COL6A2: variants seen among roughly 807,000 people sequenced by gnomAD.
The protein encoded by COL6A2 is collagen alpha-2(VI) chain.
In COL6A2, 90 loss-of-function variants were observed where a neutral mutation model predicts 124.9. The observed-to-expected ratio is 0.72, with a 90% CI of 0.61 to 0.86. The LOEUF is 0.86. COL6A2 is among the 40% of genes least tolerant of loss of function. COL6A2 has a pLI of 0.00. For synonymous variants in COL6A2, 793 were observed against 618.2 expected, an observed-to-expected ratio of 1.28 and a Z score of -4.19; for missense variants, 1,607 against 1,502.5, an observed-to-expected ratio of 1.07 and a Z score of -1.15.
chr21:46,123,964 G>A (rs1320946604), intron 21 of COL6A2, among the ~76,000 whole-genome samples: 3 of 148,304 alleles, frequency 2.0e-5, no homozygotes, highest in African/African-American at 5.0e-5. Flanking sequence ...TGGATAGATG[G>A]GTATGTGAGT....
chr21:46,129,327 G>A, intron 27 of COL6A2: 2 of 1,612,896 alleles, frequency 1.2e-6, no homozygotes, highest in Non-Finnish European at 1.7e-6. Context: ...GCAGGACCCG[G>A]CCGCCTACTC....
intron 27 of COL6A2, 26 bp downstream of exon 27, chr21:46,126,567 A>C: frequency 6.2e-7 from 1 of 1,612,692 alleles, no homozygotes; most frequent in Non-Finnish European, 8.5e-7. Context: ...CTGAGCCACC[A>C]CCCCAGACTA....
intron 1 of COL6A2, among the ~76,000 whole-genome samples, chr21:46,101,250 C>A (rs1330278373): frequency 1.3e-5 from 2 of 152,044 alleles, no homozygotes; most frequent in African/African-American, 4.8e-5. Flanking sequence ...ATTTTTGAAT[C>A]AAGTTGATTG....
intron 24 of COL6A2, 57 bp downstream of exon 24, chr21:46,125,368 GC>G: frequency 6.2e-7 from 1 of 1,604,380 alleles, no homozygotes; most frequent in Middle Eastern, 1.7e-4. Flanking sequence ...GGGCGGGAGT[GC>G]AGCAGGGCTG....
chr21:46,129,052 C>A, intron 27 of COL6A2: 1 of 1,600,388 alleles, frequency 6.2e-7, no homozygotes, highest in South Asian at 1.1e-5. Context: ...GAGCCACACA[C>A]CCGCTCCACC....
chr21:46,114,119 C>T (rs1568927691), intron 5 of COL6A2, 46 bp downstream of exon 5: 2 of 1,545,646 alleles, frequency 1.3e-6, no homozygotes, highest in African/African-American at 1.4e-5. Context: ...CCAGGAAGCC[C>T]CTGATTTGTT....
intron 27 of COL6A2, chr21:46,129,428 C>T (rs760234814): frequency 1.1e-5 from 17 of 1,609,514 alleles, no homozygotes; most frequent in Non-Finnish European, 1.3e-5. Flanking sequence ...TGTTCATTGA[C>T]ACCTTTAAGC....
intron 27 of COL6A2, 114 bp downstream of exon 27, chr21:46,126,655 A>AGCCACTGCGGAGGC: frequency 7.7e-7 from 1 of 1,295,482 alleles, no homozygotes; most frequent in African/African-American, 1.5e-5. Flanking sequence ...GGGGCGGCGG[A>AGCCACTGCGGAGGC]GCCACTGCGG....
chr21:46,129,743 G>C, intron 27 of COL6A2: 1 of 1,362,082 alleles, frequency 7.3e-7, no homozygotes, highest in Admixed American at 3.2e-5. Context: ...AAGAACCCTG[G>C]TCATTGAATT....
Position 46,131,937 on chromosome 21 carries a change from C to T in COL6A2, c.2462-17C>T, listed in dbSNP as rs1368389922. 2.6e-5 allele frequency: 41 copies of T among 1,581,042 alleles called. No homozygotes were observed. Among genetic ancestry groups the T allele is most frequent in the East Asian group, 2.1e-4 (9 of 42,692 alleles). On this transcript the variant is annotated splice_polypyrimidine_tract_variant and intron_variant, in intron 27 of 27. Coordinates refer to ENST00000300527, the MANE Select transcript of COL6A2 (RefSeq NM_001849.4). Reference sequence around the variant, plus strand: ...CCACCTCCCCTCCGCCCAGCCCGCACCTGCGTCTCCCCACAGAGCTGTCCG... The same window carrying T: ...CCACCTCCCCTCCGCCCAGCCCGCATCTGCGTCTCCCCACAGAGCTGTCCG...
chr21:46,121,995 C>T (rs950387380), intron 18 of COL6A2, 113 bp from the exon 19 acceptor site: 67 of 1,130,870 alleles, frequency 5.9e-5, no homozygotes, highest in African/African-American at 1.7e-4. Flanking sequence ...CAGAACTCGA[C>T]GGCACCCCTA....
At position 46,124,869 on chromosome 21, in the gene COL6A2, A is replaced by G; in HGVS notation, c.1735-16A>G. On this transcript the variant is annotated splice_polypyrimidine_tract_variant and intron_variant, in intron 22 of 27. Transcript: ENST00000300527. Reference sequence around the variant, plus strand: ...GCCTTGGCCCCAGAGTCTCAGCCTCATCCTTCCTTCCCCAGGGTGAGCCCG... The same window carrying G: ...GCCTTGGCCCCAGAGTCTCAGCCTCGTCCTTCCTTCCCCAGGGTGAGCCCG... The G allele has an allele frequency of 5.0e-6, 8 of 1,612,832 alleles. No homozygotes were observed. Among genetic ancestry groups the G allele is most frequent in the Non-Finnish European group, 6.8e-6 (8 of 1,179,974 alleles).
intron 1 of COL6A2, among the ~76,000 whole-genome samples, chr21:46,109,645 G>A (rs1451432072): frequency 6.6e-6 from 1 of 152,198 alleles, no homozygotes; most frequent in Non-Finnish European, 1.5e-5. Context: ...GTTTGGAGGG[G>A]GCCAAGTCAG....
At position 46,122,038 on chromosome 21, in the gene COL6A2, C is replaced by T. The variant is rs772860211; in HGVS notation, c.1522-70C>T. ...TCCACCCCAGTGTGCACCTTGCGCC[C>T]TGTTGAGCACAGCCCCCCAGCCCCA... On this transcript the variant is annotated intron_variant, in intron 18 of 27. Transcript: ENST00000300527. The T allele has an allele frequency of 9.8e-6, 15 of 1,529,760 alleles. No individual in the cohort carries two copies. In the Admixed American group the frequency reaches 1.0e-4, roughly 10 times the overall value. 94.8% of individuals were successfully genotyped at this position (1,529,760 alleles called of 1,614,324 possible).
intron 27 of COL6A2, chr21:46,129,676 TTGCTGCGGC>T: frequency 5.6e-6 from 8 of 1,419,368 alleles, no homozygotes; most frequent in Non-Finnish European, 6.4e-6. Context: ...ACCGTGTCCC[TTGCTGCGGC>T]TGCATCTTCC....
intron 4 of COL6A2, among the ~76,000 whole-genome samples, chr21:46,113,116 G>A (rs2078427581): frequency 1.3e-5 from 2 of 152,172 alleles, no homozygotes; most frequent in East Asian, 1.9e-4. Flanking sequence ...CCCTGGACTC[G>A]AGGCCCGAGC....
At position 46,132,569 on chromosome 21, in the gene COL6A2, C is replaced by G. The variant is rs371373005; in HGVS notation, c.*17C>G. 1.9e-6 allele frequency: 3 copies of G among 1,578,108 alleles called. No individual in the cohort carries two copies. Among genetic ancestry groups the G allele is most frequent in the Non-Finnish European group, 2.6e-6 (3 of 1,167,876 alleles). On this transcript the variant is annotated 3_prime_UTR_variant, in exon 28 of 28. Coordinates refer to ENST00000300527, the MANE Select transcript of COL6A2 (RefSeq NM_001849.4). ...ATCTGCTAGCGCCGCCGCCCGGGCC[C>G]CGCAGTCGAGGGTCGTGAGCCCACC...
At chr21:46,112,640 C>T in intron 3 of COL6A2, 63 bp downstream of exon 3, 5 of 1,594,472 alleles carry the variant, frequency 3.1e-6, no homozygotes, top group Non-Finnish European at 4.3e-6. Context: ...CGTCCACCCA[C>T]TCCGGGCCTC....
intron 5 of COL6A2, 46 bp from the exon 6 acceptor site, chr21:46,115,826 C>A: frequency 1.3e-6 from 2 of 1,588,150 alleles, no homozygotes; most frequent in Non-Finnish European, 1.7e-6. Context: ...CAGCTGCCTA[C>A]CGCCCACCCT....
Sources: gnomAD v4.1 joint callset for allele counts (sites outside exome capture counted in the v4.1 genomes callset) on GRCh38, gnomAD v4.1.1 for gene constraint, MANE v1.5 for transcripts, NCBI Gene and HGNC (gene_info 2026-07-23, HGNC 2026-07-21) for gene names.